The following ZBTB10 variants were observed in gnomAD, a reference collection of about 807,000 sequenced individuals.
The protein encoded by ZBTB10 is zinc finger and BTB domain-containing protein 10.
A neutral mutation model predicts 76.4 loss-of-function variants in ZBTB10; 32 were observed. The ratio of observed to expected loss-of-function variants is 0.42; its 90% confidence interval spans 0.32 to 0.56. The LOEUF is 0.56. ZBTB10 is among the 20% of genes least tolerant of loss of function. The pLI, the probability that ZBTB10 is intolerant of heterozygous loss-of-function variation, is 0.14. For synonymous variants in ZBTB10, 523 were observed against 432.9 expected, an observed-to-expected ratio of 1.21 and a Z score of -2.58; for missense variants, 1,057 against 1,098.5, an observed-to-expected ratio of 0.96 and a Z score of 0.53.
intron 1 of ZBTB10, among the ~76,000 whole-genome samples, chr8:80,497,852 G>A (rs1180387505): frequency 6.6e-6 from 1 of 151,772 alleles, no homozygotes; most frequent in African/African-American, 2.4e-5. Context: ...TAGTAGAGAC[G>A]GGGTTTCACC....
Position 80,500,173 on chromosome 8 carries a change from C to T in ZBTB10, c.1652C>T (p.Ser551Phe). Residue 551 changes from serine (S) to phenylalanine (F), a missense_variant, in exon 2 of 6, where the codon TCT (serine) becomes TTT (phenylalanine). Around this residue, in one of 5 missense-constraint regions of ZBTB10, gnomAD observed 306 missense variants for 297.5 expected, o/e 1.03. Transcript: ENST00000455036. ...TCTCCTGAAATGGCTGAAAATGAAT[C>T]TGAAGGTCAAACAAAAGTGTTTATT... Reference protein sequence around the residue: ...DGSPEMAENESEGQTKVFIWN... With the variant: ...DGSPEMAENEFEGQTKVFIWN... 1.2e-6 allele frequency: 2 copies of T among 1,611,460 alleles called. No individual in the cohort carries two copies. Among genetic ancestry groups the T allele is most frequent in the Non-Finnish European group, 1.7e-6 (2 of 1,178,468 alleles).
rs1331268129 is a variant in ZBTB10, at chr8:80,525,924, T to G, written c.*6396T>G. On this transcript the variant is annotated 3_prime_UTR_variant, in exon 6 of 6. Transcript: ENST00000455036. ...GTGTTGCCAAGCATATGATACGTGG[T>G]GTCACACTGAGCCTTTGGGATCCTT... 1 of 152,206 alleles carries G rather than the reference T, an allele frequency of 6.6e-6. No homozygotes were observed. Among genetic ancestry groups the G allele is most frequent in the Non-Finnish European group, 1.5e-5 (1 of 68,030 alleles). 9.4% of individuals were successfully genotyped at this position (152,206 alleles called of 1,614,324 possible). A position where few individuals can be genotyped will look rare whatever the true frequency, so the allele number is the denominator to read the frequency against.
At chr8:80,500,548 T>C (rs770979960) in intron 2 of ZBTB10, among the ~76,000 whole-genome samples, 166 bp downstream of exon 2, 1 of 152,234 alleles carries the variant, frequency 6.6e-6, no homozygotes, top group Non-Finnish European at 1.5e-5. Flanking sequence ...TTGGTATATT[T>C]TCTTTGTCTT....
chr8:80,516,756 T>C (rs920504139), intron 3 of ZBTB10, among the ~76,000 whole-genome samples: 1 of 152,246 alleles, frequency 6.6e-6, no homozygotes, highest in Non-Finnish European at 1.5e-5. Flanking sequence ...ATTTTTACTT[T>C]GTTGGGTATT....
At chr8:80,507,323 A>G (rs1173426993) in intron 2 of ZBTB10, among the ~76,000 whole-genome samples, 1 of 137,892 alleles carries the variant, frequency 7.3e-6, no homozygotes, top group Non-Finnish European at 1.5e-5. Context: ...AGAAAAGAAA[A>G]AAAAAACAGC....
chr8:80,513,558 C>T (rs191298891), intron 2 of ZBTB10, among the ~76,000 whole-genome samples: 15 of 152,240 alleles, frequency 9.9e-5, no homozygotes, highest in African/African-American at 3.6e-4. Context: ...GCGTCAAGTA[C>T]CATAATTGTA....
In ZBTB10 at chr8:80,525,298, A is replaced by G. The variant is rs1816539621; in HGVS notation, c.*5770A>G. ...GAAAGAAAGTGAACTATAGAAATCTATTCAGCTAATTAAAGTGAATGAAAA... is the reference window on the plus strand; with the variant it reads ...GAAAGAAAGTGAACTATAGAAATCTGTTCAGCTAATTAAAGTGAATGAAAA... On this transcript the variant is annotated 3_prime_UTR_variant, in exon 6 of 6. Coordinates refer to ENST00000455036, the MANE Select transcript of ZBTB10 (RefSeq NM_001105539.3). 1 of 152,158 alleles carries G rather than the reference A, an allele frequency of 6.6e-6. No individual in the cohort carries two copies. 9.4% of individuals were successfully genotyped at this position (152,158 alleles called of 1,614,324 possible).
intron 3 of ZBTB10, among the ~76,000 whole-genome samples, chr8:80,515,134 T>A (rs542538716): frequency 1.3e-5 from 2 of 152,196 alleles, no homozygotes; most frequent in African/African-American, 2.4e-5. Context: ...AAATTTCTTA[T>A]ACGGTGGTTA....
At chr8:80,511,522 C>A (rs1003539360) in intron 2 of ZBTB10, among the ~76,000 whole-genome samples, 1 of 152,156 alleles carries the variant, frequency 6.6e-6, no homozygotes, top group Non-Finnish European at 1.5e-5. Context: ...CAGGGTCTCA[C>A]TCTTGCCCAG....
intron 2 of ZBTB10, among the ~76,000 whole-genome samples, chr8:80,504,951 T>A (rs1816012824): frequency 6.6e-6 from 1 of 152,196 alleles, no homozygotes; most frequent in Admixed American, 6.5e-5. Context: ...GTTAATCTGA[T>A]TTTTTAAAAT....
Position 80,487,551 on chromosome 8 carries a change from A to G in ZBTB10, c.741A>G (p.Gln247=), listed in dbSNP as rs181106559. The G allele has an allele frequency of 6.9e-5, 111 of 1,603,246 alleles. No individual in the cohort carries two copies. In the African/African-American group the frequency reaches 1.1e-3, roughly 16 times the overall value. Residue 247 remains glutamine (Q), a synonymous_variant, in exon 1 of 6, where the codon CAA becomes CAG. Coordinates refer to ENST00000455036, the MANE Select transcript of ZBTB10 (RefSeq NM_001105539.3). ...CCAAGTCTCTAATGCAGAAGCTCCA[A>G]TGCTCCTTCCAGACCTCCTGGCTCA... The part of the protein sequence containing the change: ...ARPKSLMQKL[Q]CSFQTSWLKD...
chr8:80,486,176 C>T (rs1563453063), upstream of ZBTB10: 11 of 1,167,008 alleles, frequency 9.4e-6, no homozygotes, highest in South Asian at 2.1e-4. Flanking sequence ...CTTTCCCCCT[C>T]CAGCGGTTAC....
At chr8:80,490,143 T>C (rs1815587225) in intron 1 of ZBTB10, among the ~76,000 whole-genome samples, 1 of 152,250 alleles carries the variant, frequency 6.6e-6, no homozygotes, top group South Asian at 2.1e-4. Context: ...AGGACTTTGC[T>C]CTTAAATCTC....
At chr8:80,497,100 G>C (rs1473191661) in intron 1 of ZBTB10, among the ~76,000 whole-genome samples, 1 of 152,126 alleles carries the variant, frequency 6.6e-6, no homozygotes, top group Non-Finnish European at 1.5e-5. Flanking sequence ...TTTGTGGAAA[G>C]TTACACTGTC....
In ZBTB10 at chr8:80,493,203, G is replaced by GCA. The variant is rs1184343848; in HGVS notation, c.972+5422_972+5423insAC. On this transcript the variant is annotated intron_variant, in intron 1 of 5. Coordinates refer to ENST00000455036, the MANE Select transcript of ZBTB10 (RefSeq NM_001105539.3). ...AGACTGTGCCTCAAAACGCGCGCGC[G>GCA]CGCGCACACACACACACACACACAC... is the stretch of plus-strand genomic sequence containing the variant. Among the ~76,000 whole-genome samples the GCA allele has an allele frequency of 3.6e-4, 39 of 107,824 alleles. No homozygotes were observed. In the East Asian group the frequency reaches 6.4e-3, roughly 18 times the overall value. The allele number at this position is 107,824 out of a possible 152,430, so 70.7% of individuals were successfully genotyped here.
chr8:80,492,372 C>T (rs1815652968), intron 1 of ZBTB10, among the ~76,000 whole-genome samples: 1 of 152,142 alleles, frequency 6.6e-6, no homozygotes. Context: ...GTTTTGTTAA[C>T]ATTCATTCTC....
Position 80,487,145 on chromosome 8 carries a change from GC to G in ZBTB10, c.340del (p.Leu114CysfsTer2). ...GPTSLGGGAG[G>X]PLLAERNRRT... The stretch of plus-strand genomic sequence containing the variant: ...ACCTCGCTTGGCGGTGGCGCGGGGG[GC>G]CCCCTGCTAGCGGAAAGGAACCGTC... On this transcript the variant is annotated frameshift_variant, in exon 1 of 6. Coordinates refer to ENST00000455036, the MANE Select transcript of ZBTB10 (RefSeq NM_001105539.3). LOFTEE classifies it high-confidence loss of function. 4.0e-6 allele frequency: 6 copies of G among 1,513,682 alleles called. No individual in the cohort carries two copies. The highest frequency in any genetic ancestry group is 1.2e-5 in the South Asian group (1 of 80,586). 93.8% of individuals were successfully genotyped at this position (1,513,682 alleles called of 1,614,324 possible).
chr8:80,512,507 T>G (rs932242945), intron 2 of ZBTB10, among the ~76,000 whole-genome samples: 25 of 152,164 alleles, frequency 1.6e-4, no homozygotes, highest in African/African-American at 6.0e-4. Flanking sequence ...GCCCAGGCAT[T>G]CAAGGCCAGC....
At chr8:80,509,658 C>A (rs1432311804) in intron 2 of ZBTB10, among the ~76,000 whole-genome samples, 3 of 152,106 alleles carry the variant, frequency 2.0e-5, no homozygotes, top group African/African-American at 2.4e-5. Flanking sequence ...TCAATATTTT[C>A]ATTTACTAAT....
Sources: gnomAD v4.1 joint callset for allele counts (sites outside exome capture counted in the v4.1 genomes callset) on GRCh38, gnomAD v4.1.1 for gene constraint, gnomAD v4.1.1 regional missense constraint, MANE v1.5 for transcripts, NCBI Gene and HGNC (gene_info 2026-07-23, HGNC 2026-07-21) for gene names.